The following TMEM255B variants were observed in gnomAD, a reference collection of about 807,000 sequenced individuals.
TMEM255B encodes family with sequence similarity 70, member B.
TMEM255B carries 35 observed loss-of-function variants against 34.5 expected under a neutral mutation model. That is an observed-to-expected ratio of 1.01 (90% CI 0.77 to 1.34). The LOEUF (loss-of-function observed/expected upper bound fraction) is 1.34, where lower values mean the gene tolerates loss of function less well. TMEM255B is among the 40% of genes most tolerant of loss of function. TMEM255B has a pLI of 0.00. For synonymous variants in TMEM255B, 206 were observed against 201.2 expected, an observed-to-expected ratio of 1.02 and a Z score of -0.20; for missense variants, 432 against 433.2, an observed-to-expected ratio of 1.00 and a Z score of 0.02.
At chr13:113,800,339 G>GTGTGTGTGTGTGTGTGTGTGTT (rs2051028173) in intron 5 of TMEM255B, among the ~76,000 whole-genome samples, 1 of 147,708 alleles carries the variant, frequency 6.8e-6, no homozygotes, top group Non-Finnish European at 1.5e-5. Flanking sequence ...GTGTGTGTGT[G>GTGTGTGTGTGTGTGTGTGTGTT]TGTTGGGGGG....
chr13:113,763,451 A>G (rs1241393067), intron 1 of TMEM255B, among the ~76,000 whole-genome samples: 1 of 152,182 alleles, frequency 6.6e-6, no homozygotes, highest in Non-Finnish European at 1.5e-5. Flanking sequence ...TTCCCGACAG[A>G]GACCCGGGAT....
At position 113,800,852 on chromosome 13, in the gene TMEM255B, A is replaced by G; in HGVS notation, c.449A>G (p.Lys150Arg). 6.2e-7 allele frequency: 1 copy of G among 1,610,332 alleles called. No individual in the cohort carries two copies. The highest frequency in any genetic ancestry group is 1.1e-5 in the South Asian group (1 of 90,190). ...TEVTCHSLDGKCQLKVRSNTC... is the reference protein window; with the variant it reads ...TEVTCHSLDGRCQLKVRSNTC... Reference sequence around the variant, plus strand: ...GTCACCTGTCACTCCCTGGACGGCAAGTGCCAGCTGAAGGTGAGAAGCAAC... The same window carrying G: ...GTCACCTGTCACTCCCTGGACGGCAGGTGCCAGCTGAAGGTGAGAAGCAAC... The change falls in exon 6 of 9, where the codon AAG becomes AGG. Residue 150 changes from lysine (K) to arginine (R), a missense_variant. By Grantham distance (26) the Lys-to-Arg change is conservative. Transcript: ENST00000375353.
intron 2 of TMEM255B, chr13:113,768,886 G>T: frequency 1.5e-6 from 1 of 659,002 alleles, no homozygotes; most frequent in Non-Finnish European, 2.9e-6. Flanking sequence ...CCTCTGAGCA[G>T]AGAAGACAGG....
chr13:113,777,586 C>T (rs912347910), intron 3 of TMEM255B, among the ~76,000 whole-genome samples: 3 of 152,226 alleles, frequency 2.0e-5, no homozygotes, highest in Admixed American at 6.5e-5. Flanking sequence ...GCAGGGACTG[C>T]GGTGTGTGGG....
chr13:113,800,638 C>T (rs1354086476), intron 5 of TMEM255B, among the ~76,000 whole-genome samples, 189 bp from the exon 6 acceptor site: 1 of 152,124 alleles, frequency 6.6e-6, no homozygotes, highest in Non-Finnish European at 1.5e-5. Context: ...CTGACCCCTC[C>T]TGCAGGAAGG....
In TMEM255B at chr13:113,816,890, C is replaced by T. The variant is rs1392230490; in HGVS notation, c.*4987C>T. The T allele has an allele frequency of 6.6e-6, 1 of 152,252 alleles. No homozygotes were observed. The highest frequency in any genetic ancestry group is 1.5e-5 in the Non-Finnish European group (1 of 68,104). The allele number at this position is 152,252 out of a possible 1,614,324, so 9.4% of individuals were successfully genotyped here. On this transcript the variant is annotated 3_prime_UTR_variant, in exon 9 of 9. Coordinates refer to ENST00000375353, the MANE Select transcript of TMEM255B (RefSeq NM_182614.4). ...CAGGTGACCCTTCTTGCTTTGCAGG[C>T]AGGGGCTGTGGCTGGAGCTTCTCCT...
intron 1 of TMEM255B, chr13:113,761,163 A>T: frequency 1.0e-6 from 1 of 985,258 alleles, no homozygotes. Context: ...CCACATGATT[A>T]AATGGAACTC....
chr13:113,800,104 G>A, intron 5 of TMEM255B: 7 of 1,150,828 alleles, frequency 6.1e-6, no homozygotes, highest in Non-Finnish European at 7.6e-6. Flanking sequence ...GTGGGGGGGG[G>A]TAGGCAGGAG....
intron 3 of TMEM255B, among the ~76,000 whole-genome samples, chr13:113,774,036 A>G (rs992873865): frequency 6.6e-6 from 1 of 152,128 alleles, no homozygotes; most frequent in Non-Finnish European, 1.5e-5. Flanking sequence ...TACCATAGAA[A>G]ACTTTAAGCA....
chr13:113,781,386 C>A (rs936529859), intron 3 of TMEM255B, among the ~76,000 whole-genome samples: 1 of 152,202 alleles, frequency 6.6e-6, no homozygotes, highest in African/African-American at 2.4e-5. Flanking sequence ...AACCCTTTAA[C>A]CTTTTAATCT....
intron 8 of TMEM255B, among the ~76,000 whole-genome samples, chr13:113,805,343 G>A (rs576516939): frequency 6.6e-6 from 1 of 152,358 alleles, no homozygotes; most frequent in African/African-American, 2.4e-5. Context: ...GCGTTTGTCT[G>A]CTGGTGGACA....
At chr13:113,800,301 CTGTGTGTG>C (rs1220505809) in intron 5 of TMEM255B, among the ~76,000 whole-genome samples, 198 of 97,088 alleles carry the variant, frequency 2.0e-3, no homozygotes, top group East Asian at 6.6e-3. Context: ...GAGGCGTCCT[CTGTGTGTG>C]TGTGTGTGTG....
Position 113,801,705 on chromosome 13 carries a change from G to A in TMEM255B, c.562G>A (p.Asp188Asn). ...GTTCATCGGCGTCAGCGGCTGCCAG[G>A]ACGTGCTGCACCTGTACCGCCTGCT... Reference protein sequence around the residue: ...YEFIGVSGCQDVLHLYRLLWA... With the variant: ...YEFIGVSGCQNVLHLYRLLWA... The change falls in exon 7 of 9, where the codon GAC becomes AAC. Residue 188 changes from aspartate to asparagine, a missense_variant. Physicochemically the swap from Asp to Asn is conservative, Grantham distance 23. Coordinates refer to ENST00000375353, the MANE Select transcript of TMEM255B (RefSeq NM_182614.4). The A allele has an allele frequency of 1.2e-6, 2 of 1,612,354 alleles. No individual in the cohort carries two copies. The highest frequency in any genetic ancestry group is 8.5e-7 in the Non-Finnish European group (1 of 1,179,474).
At chr13:113,778,741 G>T (rs1360345847) in intron 3 of TMEM255B, among the ~76,000 whole-genome samples, 1 of 152,168 alleles carries the variant, frequency 6.6e-6, no homozygotes. Context: ...GCATCTTCTG[G>T]GTGAGTCCGG....
intron 3 of TMEM255B, among the ~76,000 whole-genome samples, chr13:113,778,331 A>G (rs1157761310): frequency 6.6e-6 from 1 of 152,230 alleles, no homozygotes; most frequent in Admixed American, 6.5e-5. Flanking sequence ...AAGCAATGGT[A>G]TCAGCTGCTG....
chr13:113,763,097 T>G (rs2050334102), intron 1 of TMEM255B, among the ~76,000 whole-genome samples: 2 of 152,226 alleles, frequency 1.3e-5, no homozygotes, highest in Admixed American at 1.3e-4. Context: ...AGCATTTGGC[T>G]GCATTGGCAG....
In TMEM255B at chr13:113,769,033, A is replaced by G; in HGVS notation, c.190-65A>G. 2 of 1,575,226 alleles carry G rather than the reference A, an allele frequency of 1.3e-6. No individual in the cohort carries two copies. The highest frequency in any genetic ancestry group is 1.1e-5 in the South Asian group (1 of 89,980). On this transcript the variant is annotated intron_variant, in intron 2 of 8. Coordinates refer to ENST00000375353, the MANE Select transcript of TMEM255B (RefSeq NM_182614.4). This position sits in a 1 kb window ranked among gnomAD's most constrained non-coding sequence, Gnocchi z 4.2. ...TTGAGGGCGGGATTATTTGCTTTAAATGTCAGTGTTAAGCTTCTAGGCACG... is the reference window on the plus strand; with the variant it reads ...TTGAGGGCGGGATTATTTGCTTTAAGTGTCAGTGTTAAGCTTCTAGGCACG...
intron 1 of TMEM255B, among the ~76,000 whole-genome samples, chr13:113,764,276 A>G (rs1338255920): frequency 1.3e-5 from 2 of 152,150 alleles, no homozygotes; most frequent in African/African-American, 4.8e-5. Context: ...CCCTGCACCC[A>G]CCTGCTTGTC....
At chr13:113,797,297 A>G (rs2050960385) in intron 4 of TMEM255B, among the ~76,000 whole-genome samples, 3 of 152,250 alleles carry the variant, frequency 2.0e-5, no homozygotes, top group Non-Finnish European at 4.4e-5. Context: ...CTCAGATGCC[A>G]TCGAGGAAAA....
Sources: gnomAD v4.1 joint callset for allele counts (sites outside exome capture counted in the v4.1 genomes callset) on GRCh38, gnomAD v4.1.1 for gene constraint, Gnocchi (gnomAD v3.1) non-coding constraint, MANE v1.5 for transcripts, NCBI Gene and HGNC (gene_info 2026-07-23, HGNC 2026-07-21) for gene names.